Variants in MCCC1 observed in about 807,000 individuals in gnomAD.
The protein encoded by MCCC1 is methylcrotonyl-CoA carboxylase subunit 1, also known as methylcrotonoyl-CoA carboxylase subunit alpha, mitochondrial.
Under a neutral mutation model 83.8 loss-of-function variants are expected in MCCC1, and 64 were observed. The observed-to-expected ratio is 0.76, with a 90% CI of 0.62 to 0.94. The LOEUF (loss-of-function observed/expected upper bound fraction) is 0.94. MCCC1 is among the 40% of genes least tolerant of loss of function. The probability of loss-of-function intolerance (pLI) is 0.00; values close to 1 mark genes in which losing one functional copy is unlikely to be tolerated. For missense variants in MCCC1, 807 were observed against 904.7 expected (o/e 0.89, Z 1.39); for synonymous variants, 322 against 315.4 (o/e 1.02, Z -0.22).
In MCCC1 at chr3:183,022,527, C is replaced by A. The variant is rs530899515; in HGVS notation, c.1759G>T (p.Gly587Cys). 1 of 1,613,354 alleles carries A rather than the reference C, an allele frequency of 6.2e-7. No individual in the cohort carries two copies. The highest frequency in any genetic ancestry group is 2.2e-5 in the East Asian group (1 of 44,844). Residue 587 changes from glycine (G) to cysteine (C), a missense_variant, in exon 16 of 19, where the codon GGT becomes TGT. Coordinates refer to ENST00000265594, the MANE Select transcript of MCCC1 (RefSeq NM_020166.5). ...CAGTCTCCCTCGCTGTAAAGATTAC[C>A]AAGGACTTGGAAAGTTTTATCTTCA... ...QIEDKTFQVL[G>C]NLYSEGDCTY...
At chr3:183,017,179 G>T in intron 18 of MCCC1, 87 bp downstream of exon 18, 1 of 1,124,698 alleles carries the variant, frequency 8.9e-7, no homozygotes, top group East Asian at 2.3e-5. Context: ...ATTTAAGGTG[G>T]TATTAACTTA....
chr3:183,091,664 A>G (rs1047948618), intron 3 of MCCC1, among the ~76,000 whole-genome samples: 1 of 152,256 alleles, frequency 6.6e-6, no homozygotes, highest in Non-Finnish European at 1.5e-5. Flanking sequence ...CTTATTAGTT[A>G]TAATTTTACA....
intron 13 of MCCC1, among the ~76,000 whole-genome samples, chr3:183,036,643 G>A (rs1016814125): frequency 6.6e-5 from 10 of 150,464 alleles, no homozygotes; most frequent in African/African-American, 2.4e-4. Context: ...GGGTTCAAGC[G>A]ATTCTCTTGT....
intron 4 of MCCC1, among the ~76,000 whole-genome samples, chr3:183,085,192 A>C (rs904251249): frequency 3.3e-5 from 5 of 151,970 alleles, no homozygotes; most frequent in Non-Finnish European, 5.9e-5. Flanking sequence ...ATTTACTTTT[A>C]ATTGTTTTGC....
At chr3:183,075,448 C>T (rs956507977) in intron 4 of MCCC1, among the ~76,000 whole-genome samples, 2 of 151,970 alleles carry the variant, frequency 1.3e-5, no homozygotes, top group African/African-American at 2.4e-5. Context: ...TTTTGATTTG[C>T]GTTTCTCTAA....
At chr3:183,115,076 C>CA (rs1410892619) in intron 1 of MCCC1, among the ~76,000 whole-genome samples, 5 of 152,186 alleles carry the variant, frequency 3.3e-5, no homozygotes, top group Admixed American at 2.0e-4. Context: ...AACTGTGTTA[C>CA]AAAAAAGAGC....
intron 1 of MCCC1, among the ~76,000 whole-genome samples, chr3:183,095,140 G>A (rs928734858): frequency 4.6e-5 from 7 of 151,984 alleles, no homozygotes; most frequent in African/African-American, 7.3e-5. Context: ...AAAATTAGCC[G>A]GGCGTCATGG....
chr3:183,085,430 C>T (rs1267576349), intron 4 of MCCC1, among the ~76,000 whole-genome samples: 1 of 151,910 alleles, frequency 6.6e-6, no homozygotes, highest in East Asian at 1.9e-4. Context: ...AGGAGTTCAA[C>T]ACCAGCCTGG....
At chr3:183,037,076 T>C (rs896017034) in intron 13 of MCCC1, 142 bp downstream of exon 13, 28 of 802,764 alleles carry the variant, frequency 3.5e-5, no homozygotes, top group Admixed American at 6.3e-5. Flanking sequence ...CTTTCCTTCA[T>C]ACTAAAAAAC....
intron 7 of MCCC1, among the ~76,000 whole-genome samples, chr3:183,069,819 A>G (rs1006968193): frequency 6.6e-6 from 1 of 152,194 alleles, no homozygotes; most frequent in African/African-American, 2.4e-5. Context: ...AGCATCTTAA[A>G]CAACAAACAT....
chr3:183,070,523 A>G (rs1716583085), intron 7 of MCCC1, among the ~76,000 whole-genome samples: 1 of 152,154 alleles, frequency 6.6e-6, no homozygotes, highest in South Asian at 2.1e-4. Context: ...TCACGAGGTC[A>G]GGAGTTTGAG....
At chr3:183,063,420 A>G (rs967042413) in intron 7 of MCCC1, among the ~76,000 whole-genome samples, 21 of 152,180 alleles carry the variant, frequency 1.4e-4, no homozygotes, top group Admixed American at 7.9e-4. Flanking sequence ...AATAGTTTTG[A>G]TAAGATTTGT....
intron 1 of MCCC1, among the ~76,000 whole-genome samples, chr3:183,111,618 A>T (rs1719493762): frequency 6.6e-6 from 1 of 152,224 alleles, no homozygotes; most frequent in Admixed American, 6.5e-5. Flanking sequence ...ACCTTTGAAG[A>T]CTATAAAGTG....
chr3:183,037,258 C>G lies in MCCC1; in HGVS notation c.1554G>C (p.Lys518Asn). 6.2e-7 allele frequency: 1 copy of G among 1,613,996 alleles called. No homozygotes were observed. Among genetic ancestry groups the G allele is most frequent in the East Asian group, 2.2e-5 (1 of 44,860 alleles). The part of the protein sequence containing the change: ...LCQAALGLIL[K>N]EKAMTDTFTL... ...TGAAAGTGTCGGTCATGGCTTTCTC[C>G]TTGAGGATGAGACCCAGGGCTGCCT... Residue 518 changes from lysine (K) to asparagine (N), a missense_variant, in exon 13 of 19, where the codon AAG (lysine) becomes AAC (asparagine). Transcript: ENST00000265594.
At chr3:183,089,449 CA>C (rs1261934873) in intron 3 of MCCC1, among the ~76,000 whole-genome samples, 1 of 151,868 alleles carries the variant, frequency 6.6e-6, no homozygotes. Flanking sequence ...ATCATCTCTA[CA>C]AAAAATTTTA....
At position 183,112,605 on chromosome 3, in the gene MCCC1, G is replaced by A. The variant is rs114315936; in HGVS notation, c.-102+2869C>T. Among the ~76,000 whole-genome samples, 639 of 152,182 alleles carry A rather than the reference G, an allele frequency of 4.2e-3. 5 individuals carry two copies. The highest frequency in any genetic ancestry group is 0.015 in the African/African-American group (613 of 41,510). On this transcript the variant is annotated intron_variant, in intron 1 of 17. Coordinates refer to the MCCC1 transcript ENST00000492597. The stretch of plus-strand genomic sequence containing the variant: ...ACAATTTTAATAATTATCAACTCAC[G>A]ATTAACCTTTTTCATCTATATCCCA...
chr3:183,027,158 C>T (rs1027329433), intron 14 of MCCC1, among the ~76,000 whole-genome samples: 10 of 152,188 alleles, frequency 6.6e-5, no homozygotes, highest in African/African-American at 1.2e-4. Context: ...TCAATCTGCG[C>T]CCATGTAAGA....
At chr3:183,078,623 T>G (rs1717257792) in intron 4 of MCCC1, among the ~76,000 whole-genome samples, 1 of 152,356 alleles carries the variant, frequency 6.6e-6, no homozygotes, top group Admixed American at 6.5e-5. Flanking sequence ...TCCTAACTAT[T>G]TGATTGCTAT....
At chr3:183,097,479 A>G (rs1718828525) in intron 1 of MCCC1, among the ~76,000 whole-genome samples, 1 of 152,168 alleles carries the variant, frequency 6.6e-6, no homozygotes, top group Non-Finnish European at 1.5e-5. Context: ...TACGGCCTGG[A>G]ACCCCTGGAC....
Sources: gnomAD v4.1 joint callset for allele counts (sites outside exome capture counted in the v4.1 genomes callset) on GRCh38, gnomAD v4.1.1 for gene constraint, MANE v1.5 for transcripts, NCBI Gene and HGNC (gene_info 2026-07-23, HGNC 2026-07-21) for gene names.